The following COP1 variants were observed in gnomAD, a reference collection of about 807,000 sequenced individuals.
COP1 encodes E3 ubiquitin-protein ligase COP1.
A neutral mutation model predicts 101.3 loss-of-function variants in COP1; 24 were observed. That is an observed-to-expected ratio of 0.24 (90% CI 0.17 to 0.33). The LOEUF is 0.33. Among genes scored for constraint, COP1 ranks in the 10% least tolerant of loss-of-function variants. COP1 has a pLI of 1.00. For missense variants in COP1, 663 were observed against 906.2 expected, an observed-to-expected ratio of 0.73 and a Z score of 3.45; for synonymous variants, 347 against 341.9, an observed-to-expected ratio of 1.01 and a Z score of -0.17.
intron 18 of COP1, among the ~76,000 whole-genome samples, chr1:175,960,015 A>G (rs142046153): frequency 1.5e-3 from 229 of 152,308 alleles, no homozygotes; most frequent in African/African-American, 5.2e-3. Context: ...GTGGCAAGCC[A>G]AATTTGATAT....
chr1:176,046,360 A>T (rs780241285), intron 11 of COP1, 36 bp from the exon 12 acceptor site: 1 of 1,588,162 alleles, frequency 6.3e-7, no homozygotes, highest in South Asian at 1.2e-5. Flanking sequence ...AACATTTCAG[A>T]ATTTGCTATT....
chr1:176,157,184 A>G (rs1693597722), intron 5 of COP1, among the ~76,000 whole-genome samples: 2 of 151,816 alleles, frequency 1.3e-5, no homozygotes, highest in African/African-American at 2.4e-5. Context: ...ACAAAGAGAG[A>G]CTCCATCTCA....
rs74782633 is a variant in COP1 at position 176,182,412 on chromosome 1, T to C, written c.467+2221A>G. 5.9e-3 allele frequency among the ~76,000 whole-genome samples: 895 copies of C among 152,210 alleles called. 12 individuals carry two copies. The highest frequency in any genetic ancestry group is 0.021 in the African/African-American group (858 of 41,530). On this transcript the variant is annotated intron_variant, in intron 2 of 19. Transcript: ENST00000367669. Reference sequence around the variant, plus strand: ...ATGAGTACTTCTCAAGGGAGGAAAATTTTGTCCCCCAAGGGGTATCTGCAA... The same window carrying C: ...ATGAGTACTTCTCAAGGGAGGAAAACTTTGTCCCCCAAGGGGTATCTGCAA...
chr1:176,151,241 TAGAA>T (rs924434311), intron 5 of COP1, among the ~76,000 whole-genome samples: 10 of 137,384 alleles, frequency 7.3e-5, no homozygotes, highest in Non-Finnish European at 1.1e-4. Context: ...GAAATGTATT[TAGAA>T]AGAAAGAAAG....
intron 11 of COP1, among the ~76,000 whole-genome samples, chr1:176,058,183 AG>A (rs1553244845): frequency 2.6e-5 from 3 of 114,092 alleles, no homozygotes; most frequent in Admixed American, 8.4e-5. Context: ...CCCGGTAGGG[AG>A]GGGGGGGGTC....
intron 11 of COP1, among the ~76,000 whole-genome samples, chr1:176,058,112 ACCC>A (rs1433943289): frequency 6.4e-5 from 3 of 46,828 alleles, no homozygotes; most frequent in Non-Finnish European, 1.5e-4. Context: ...CCGGCCAGCC[ACCC>A]CGTCGGGAGG....
At chr1:176,019,647 G>T (rs1203746299) in intron 15 of COP1, among the ~76,000 whole-genome samples, 1 of 151,408 alleles carries the variant, frequency 6.6e-6, no homozygotes, top group Non-Finnish European at 1.5e-5. Flanking sequence ...GATTGCCTGA[G>T]CCCAGGAAAC....
intron 14 of COP1, among the ~76,000 whole-genome samples, 189 bp from the exon 15 acceptor site, chr1:176,027,877 TACCTGAA>T (rs1667947974): frequency 7.1e-6 from 1 of 141,062 alleles, no homozygotes; most frequent in African/African-American, 2.7e-5. Flanking sequence ...AATAAAAAGA[TACCTGAA>T]ACTGGGTAAT....
At chr1:176,185,713 T>C (rs1238206833) in intron 1 of COP1, among the ~76,000 whole-genome samples, 3 of 152,242 alleles carry the variant, frequency 2.0e-5, no homozygotes, top group Non-Finnish European at 2.9e-5. Flanking sequence ...GAAAGGAGGA[T>C]ACTGGTTCCT....
chr1:176,158,137 CACTT>C (rs905694574), intron 5 of COP1, among the ~76,000 whole-genome samples: 3 of 151,356 alleles, frequency 2.0e-5, no homozygotes, highest in African/African-American at 7.3e-5. Flanking sequence ...ATAATCAAAA[CACTT>C]ACACCCATAA....
chr1:176,007,249 AT>A (rs1358929839), intron 15 of COP1, among the ~76,000 whole-genome samples: 2 of 151,724 alleles, frequency 1.3e-5, no homozygotes, highest in African/African-American at 4.8e-5. Flanking sequence ...ATTCTTCTAA[AT>A]TTTTTTCAAT....
chr1:176,037,886 AAGGTTCAC>A (rs1669853607), intron 14 of COP1, among the ~76,000 whole-genome samples: 3 of 152,184 alleles, frequency 2.0e-5, no homozygotes, highest in Non-Finnish European at 4.4e-5. Context: ...CAAAGCAAGA[AAGGTTCAC>A]TGTTGTCATT....
Position 176,163,834 on chromosome 1 carries a change from T to A in COP1, c.623A>T (p.Asp208Val). Residue 208 changes from aspartate to valine, a missense_variant, in exon 4 of 20, where the codon GAC becomes GTC. This residue lies in a region of COP1 where 212 missense variants were observed against 240.7 expected (regional missense o/e 0.88). Transcript: ENST00000367669. ...QRFEEKRFKL[D>V]HSVSSTNGHR... ...ACATACGGTGCTACTCACTGAGTGG[T>A]CCAATTTGAACCTCTTTTCCTCAAA... 6.2e-7 allele frequency: 1 copy of A among 1,604,542 alleles called. No homozygotes were observed. The highest frequency in any genetic ancestry group is 8.5e-7 in the Non-Finnish European group (1 of 1,173,198).
intron 11 of COP1, among the ~76,000 whole-genome samples, 184 bp downstream of exon 11, chr1:176,080,968 C>A (rs1353894462): frequency 1.3e-5 from 2 of 152,046 alleles, no homozygotes; most frequent in African/African-American, 4.8e-5. Context: ...ATCAATTATT[C>A]CACTTTAGAG....
Position 175,989,359 on chromosome 1 carries a change from C to T in COP1, c.1847+3G>A, listed in dbSNP as rs201204985. 82 of 1,455,864 alleles carry T rather than the reference C, an allele frequency of 5.6e-5. No individual in the cohort carries two copies. Among genetic ancestry groups the T allele is most frequent in the Admixed American group, 2.8e-4 (17 of 59,806 alleles). 90.2% of individuals were successfully genotyped at this position (1,455,864 alleles called of 1,614,324 possible). A position where few individuals can be genotyped will look rare whatever the true frequency, so the allele number is the denominator to read the frequency against. On this transcript the variant is annotated splice_donor_region_variant and intron_variant, in intron 16 of 19. Transcript: ENST00000367669. ...CTCAACCTCTGAGGAGAGTAATACT[C>T]ACGCAGAGACAATTTCCTCACCACT...
At chr1:176,119,848 G>A (rs763369840) in intron 8 of COP1, among the ~76,000 whole-genome samples, 1 of 152,082 alleles carries the variant, frequency 6.6e-6, no homozygotes, top group Non-Finnish European at 1.5e-5. Context: ...CTCTAATGTA[G>A]ATAATACTAT....
intron 14 of COP1, among the ~76,000 whole-genome samples, chr1:176,034,981 T>G (rs1669233850): frequency 6.6e-6 from 1 of 152,114 alleles, no homozygotes; most frequent in Non-Finnish European, 1.5e-5. Context: ...TCCCACACAA[T>G]TTAAACAGGA....
intron 14 of COP1, among the ~76,000 whole-genome samples, chr1:176,036,521 A>T (rs986793727): frequency 8.1e-6 from 1 of 123,940 alleles, no homozygotes; most frequent in Non-Finnish European, 1.8e-5. Flanking sequence ...AAAAAAAAAA[A>T]AAAAAGCATG....
chr1:176,019,467 AAT>A (rs1666304485), intron 15 of COP1, among the ~76,000 whole-genome samples: 3 of 27,306 alleles, frequency 1.1e-4, no homozygotes. Context: ...CATCTCAAAT[AAT>A]AATAATAATA....
Sources: allele counts gnomAD v4.1 joint callset (sites outside exome capture counted in the v4.1 genomes callset), GRCh38; gene constraint gnomAD v4.1.1; regional missense constraint gnomAD v4.1.1; transcripts MANE v1.5; gene names NCBI Gene and HGNC (gene_info 2026-07-23, HGNC 2026-07-21).